FBXL17: variants seen among roughly 807,000 people sequenced by gnomAD.
FBXL17 encodes F-box and leucine rich repeat protein 17.
Under a neutral mutation model 66.2 loss-of-function variants are expected in FBXL17, and 22 were observed. The ratio of observed to expected loss-of-function variants is 0.33; its 90% confidence interval spans 0.24 to 0.47. The LOEUF (loss-of-function observed/expected upper bound fraction) is 0.47. Ranked by LOEUF, FBXL17 falls within the 20% of genes least tolerant of loss-of-function variation. The pLI, the probability that FBXL17 is intolerant of heterozygous loss-of-function variation, is 1.00. For missense variants in FBXL17, 878 were observed against 948.2 expected (o/e 0.93, Z 0.97); for synonymous variants, 474 against 400.5 (o/e 1.18, Z -2.19).
At chr5:107,872,723 A>C (rs531422848) in intron 8 of FBXL17, among the ~76,000 whole-genome samples, 2 of 152,352 alleles carry the variant, frequency 1.3e-5, no homozygotes, top group African/African-American at 2.4e-5. Flanking sequence ...TCACCACCAC[A>C]ACAAGAGCTA....
chr5:107,969,492 C>A (rs767524610), intron 7 of FBXL17, among the ~76,000 whole-genome samples: 1 of 151,904 alleles, frequency 6.6e-6, no homozygotes, highest in African/African-American at 2.4e-5. Context: ...CAAAAAAAAA[C>A]TATTTAGAAG....
chr5:108,165,826 T>G (rs900954325), intron 6 of FBXL17, among the ~76,000 whole-genome samples: 3 of 152,224 alleles, frequency 2.0e-5, no homozygotes, highest in Non-Finnish European at 4.4e-5. Context: ...CAGTGTTTAT[T>G]AATCTGCTGC....
chr5:108,102,998 C>A (rs771610171), intron 6 of FBXL17, among the ~76,000 whole-genome samples: 2 of 152,086 alleles, frequency 1.3e-5, no homozygotes, highest in African/African-American at 4.8e-5. Flanking sequence ...GTTATAAACA[C>A]CACAGTGAAG....
At chr5:108,349,923 A>T (rs900613042) in intron 3 of FBXL17, among the ~76,000 whole-genome samples, 6 of 152,190 alleles carry the variant, frequency 3.9e-5, no homozygotes, top group African/African-American at 1.4e-4. Context: ...ACAGCACAGT[A>T]GCTTAGCAAT....
chr5:108,311,839 A>C (rs1179842754), intron 4 of FBXL17, among the ~76,000 whole-genome samples: 1 of 152,220 alleles, frequency 6.6e-6, no homozygotes, highest in Non-Finnish European at 1.5e-5. Context: ...CCAATGAAAG[A>C]GAAGAAGAGA....
intron 3 of FBXL17, among the ~76,000 whole-genome samples, chr5:108,354,648 G>A (rs1268063822): frequency 6.7e-6 from 1 of 150,198 alleles, no homozygotes; most frequent in Non-Finnish European, 1.5e-5. Flanking sequence ...AGAATACCAT[G>A]AAGGAAAACT....
At position 108,317,335 on chromosome 5, in the gene FBXL17, T is replaced by G. The variant is rs564380861; in HGVS notation, c.1506+31064A>C. Reference sequence around the variant, plus strand: ...ACTGAGTTTTGTTTTTTGTTTTTTGTTTTTTTTTTTAACTAGAAAAGATCT... The same window carrying G: ...ACTGAGTTTTGTTTTTTGTTTTTTGGTTTTTTTTTTAACTAGAAAAGATCT... On this transcript the variant is annotated intron_variant, in intron 4 of 8. Transcript: ENST00000542267. Among the ~76,000 whole-genome samples, 8 of 144,684 alleles carry G rather than the reference T, an allele frequency of 5.5e-5. No homozygotes were observed. The South Asian group carries it at 1.1e-3, about 20-fold the overall frequency. The allele number at this position is 144,684 out of a possible 152,430, so 94.9% of individuals were successfully genotyped here. A position where few individuals can be genotyped will look rare whatever the true frequency, so the allele number is the denominator to read the frequency against.
In FBXL17 at chr5:108,381,149, C is replaced by G; in HGVS notation, c.543G>C (p.Gly181=). ...GPPAAVQLFR[G]PTPSPAELPT... ...GGAGCTCGGCCGGTGACGGTGTCGG[C>G]CCCCGGAAGAGCTGCACGGCGGCGG... Residue 181 remains glycine, a synonymous_variant, in exon 1 of 9, where the codon GGG becomes GGC. Transcript: ENST00000542267. 1 of 1,399,548 alleles carries G rather than the reference C, an allele frequency of 7.1e-7. No individual in the cohort carries two copies. The allele number at this position is 1,399,548 out of a possible 1,614,324, so 86.7% of individuals were successfully genotyped here. A position where few individuals can be genotyped will look rare whatever the true frequency, so the allele number is the denominator to read the frequency against.
At chr5:108,075,880 A>T (rs894283203) in intron 6 of FBXL17, among the ~76,000 whole-genome samples, 1 of 152,254 alleles carries the variant, frequency 6.6e-6, no homozygotes, top group South Asian at 2.1e-4. Flanking sequence ...TTCTATGCAT[A>T]TATGTGTATA....
intron 6 of FBXL17, among the ~76,000 whole-genome samples, chr5:108,117,572 C>T (rs1750312315): frequency 1.3e-5 from 2 of 152,048 alleles, no homozygotes; most frequent in South Asian, 4.1e-4. Flanking sequence ...CTTTCACGTA[C>T]AAAAGACCCT....
chr5:108,217,994 A>T (rs963599730), intron 5 of FBXL17, among the ~76,000 whole-genome samples: 51 of 149,128 alleles, frequency 3.4e-4, no homozygotes, highest in African/African-American at 1.2e-3. Context: ...GTGTGTATAT[A>T]CCATATTTTC....
chr5:108,115,157 G>C (rs149727328), intron 6 of FBXL17, among the ~76,000 whole-genome samples: 6 of 152,182 alleles, frequency 3.9e-5, no homozygotes, highest in Admixed American at 3.9e-4. Flanking sequence ...TAAACTGCTA[G>C]AACAGTAAGT....
chr5:108,186,934 A>T (rs981207841), intron 5 of FBXL17, among the ~76,000 whole-genome samples: 46 of 152,196 alleles, frequency 3.0e-4, no homozygotes, highest in African/African-American at 1.0e-3. Flanking sequence ...TATTACCTTC[A>T]TAATTATGCC....
chr5:108,076,376 T>C (rs755062156), intron 6 of FBXL17, among the ~76,000 whole-genome samples: 3 of 152,234 alleles, frequency 2.0e-5, no homozygotes, highest in Admixed American at 6.5e-5. Context: ...GTATCTGTTA[T>C]ATAATTAAAA....
intron 4 of FBXL17, chr5:108,298,614 TA>T (rs761394179): frequency 8.0e-5 from 75 of 936,768 alleles, no homozygotes; most frequent in Non-Finnish European, 9.2e-5. Flanking sequence ...ATCTTTTTTT[TA>T]ATAGCAAAGT....
chr5:107,934,893 T>C (rs1750848018), intron 7 of FBXL17, among the ~76,000 whole-genome samples: 2 of 152,124 alleles, frequency 1.3e-5, no homozygotes, highest in Non-Finnish European at 2.9e-5. Flanking sequence ...ATATTAAACA[T>C]GTAGGTGACA....
intron 7 of FBXL17, among the ~76,000 whole-genome samples, chr5:107,977,847 A>G (rs2112662702): frequency 6.6e-6 from 1 of 152,348 alleles, no homozygotes; most frequent in Non-Finnish European, 1.5e-5. Flanking sequence ...CATTAAAGGC[A>G]TGAACGTGGT....
chr5:108,013,379 CTA>C (rs1362731230), intron 7 of FBXL17, among the ~76,000 whole-genome samples: 1 of 152,166 alleles, frequency 6.6e-6, no homozygotes, highest in East Asian at 1.9e-4. Context: ...TGGATGATTT[CTA>C]TTCTTTCTTC....
chr5:108,310,972 A>C (rs777036212), intron 4 of FBXL17, among the ~76,000 whole-genome samples: 2 of 152,154 alleles, frequency 1.3e-5, no homozygotes, highest in Non-Finnish European at 2.9e-5. Context: ...ACTTCTTCAG[A>C]AAACTACAGC....
Sources: allele counts gnomAD v4.1 joint callset (sites outside exome capture counted in the v4.1 genomes callset), GRCh38; gene constraint gnomAD v4.1.1; transcripts MANE v1.5; gene names NCBI Gene and HGNC (gene_info 2026-07-23, HGNC 2026-07-21).